COL4A1: variants seen among roughly 807,000 people sequenced by gnomAD.
The protein encoded by COL4A1 is collagen type IV alpha 1 chain.
In COL4A1, 40 loss-of-function variants were observed where a neutral mutation model predicts 216.6. The ratio of observed to expected loss-of-function variants is 0.18; its 90% CI spans 0.14 to 0.24. The LOEUF (loss-of-function observed/expected upper bound fraction) is 0.24. Among genes scored for constraint, COL4A1 ranks in the 10% least tolerant of loss-of-function variants. COL4A1 has a pLI of 1.00. For synonymous variants in COL4A1, 839 were observed against 810.7 expected (o/e 1.03, Z -0.59); for missense variants, 1,628 against 2,196.8 (o/e 0.74, Z 5.18).
chr13:110,284,633 C>A (rs914183442), intron 1 of COL4A1, among the ~76,000 whole-genome samples: 1 of 152,126 alleles, frequency 6.6e-6, no homozygotes, highest in Non-Finnish European at 1.5e-5. Flanking sequence ...ATAGAGCAAG[C>A]AAAATATATT....
intron 48 of COL4A1, 172 bp downstream of exon 48, chr13:110,162,058 T>A: frequency 5.5e-6 from 4 of 721,058 alleles, no homozygotes; most frequent in Non-Finnish European, 7.5e-6. Flanking sequence ...TTATTTGTAA[T>A]CAATGGAGGG....
At chr13:110,243,841 T>A (rs1011968887) in intron 1 of COL4A1, among the ~76,000 whole-genome samples, 1 of 152,222 alleles carries the variant, frequency 6.6e-6, no homozygotes, top group African/African-American at 2.4e-5. Context: ...AGATTTATTA[T>A]AACACGCTAG....
intron 2 of COL4A1, among the ~76,000 whole-genome samples, chr13:110,238,353 T>C (rs1250437708): frequency 6.6e-6 from 1 of 152,216 alleles, no homozygotes; most frequent in Non-Finnish European, 1.5e-5. Context: ...CGTCAAATCT[T>C]TGCTATGACA....
intron 1 of COL4A1, among the ~76,000 whole-genome samples, chr13:110,287,777 A>G (rs1883900341): frequency 6.6e-6 from 1 of 152,250 alleles, no homozygotes; most frequent in Non-Finnish European, 1.5e-5. Flanking sequence ...TGGTGTTTCC[A>G]AGAGAAACGT....
intron 1 of COL4A1, among the ~76,000 whole-genome samples, chr13:110,251,117 A>G (rs541487908): frequency 2.0e-5 from 3 of 152,236 alleles, no homozygotes; most frequent in Non-Finnish European, 2.9e-5. Context: ...GCACGAAAAA[A>G]GACGTTGGAC....
intron 36 of COL4A1, 36 bp downstream of exon 36, chr13:110,176,388 C>T: frequency 7.1e-7 from 1 of 1,404,810 alleles, no homozygotes. Flanking sequence ...ATCACACGCA[C>T]ACATGCTAAA....
In COL4A1 at chr13:110,155,301, G is replaced by A. The variant is rs370674095; in HGVS notation, c.4737C>T (p.Ile1579=). ...CACTTACCATCACAAAAGAGTAGCC[G>A]ATCCACAGCGAGGACCACCCGCTGG... ...PCPSGWSSLW[I]GYSFVMHTSA... Residue 1579 remains isoleucine (I), a synonymous_variant, in exon 50 of 52, where the codon ATC becomes ATT. Coordinates refer to ENST00000375820, the MANE Select transcript of COL4A1 (RefSeq NM_001845.6). 20 of 1,613,526 alleles carry A rather than the reference G, an allele frequency of 1.2e-5. No individual in the cohort carries two copies. The highest frequency in any genetic ancestry group is 6.7e-5 in the African/African-American group (5 of 74,912).
intron 1 of COL4A1, among the ~76,000 whole-genome samples, chr13:110,277,814 TAAGTTA>T (rs1260507557): frequency 6.6e-6 from 1 of 152,208 alleles, no homozygotes; most frequent in Admixed American, 6.5e-5. Flanking sequence ...GCAAGTTGAG[TAAGTTA>T]AAGGTCACTC....
intron 38 of COL4A1, 33 bp downstream of exon 38, chr13:110,174,590 T>C: frequency 1.9e-6 from 3 of 1,614,084 alleles, no homozygotes; most frequent in Non-Finnish European, 2.5e-6. Flanking sequence ...TTTCTTAGAT[T>C]CCCCAAGTCC....
At chr13:110,208,998 C>T in intron 11 of COL4A1, 108 bp from the exon 12 acceptor site, 1 of 1,113,664 alleles carries the variant, frequency 9.0e-7, no homozygotes, top group South Asian at 1.2e-5. Context: ...CAGGCAATAG[C>T]TTTGTCCCAT....
In COL4A1 at chr13:110,307,041, AGGCGGCGAGGG is replaced by A; in HGVS notation, c.-25_-15del. 2 of 1,456,154 alleles carry A rather than the reference AGGCGGCGAGGG, an allele frequency of 1.4e-6. No individual in the cohort carries two copies. Among genetic ancestry groups the A allele is most frequent in the Non-Finnish European group, 1.8e-6 (2 of 1,108,910 alleles). The allele number at this position is 1,456,154 out of a possible 1,614,324, so 90.2% of individuals were successfully genotyped here. A position where few individuals can be genotyped will look rare whatever the true frequency, so the allele number is the denominator to read the frequency against. ...CCGGGGCCCCATGGTGGCGCGCCCGAGGCGGCGAGGGACGGCTGCCCGGCGTGCGGGGGCCG... is the reference window on the plus strand; with the variant it reads ...CCGGGGCCCCATGGTGGCGCGCCCGAACGGCTGCCCGGCGTGCGGGGGCCG... On this transcript the variant is annotated 5_prime_UTR_variant, in exon 1 of 52. Coordinates refer to ENST00000375820, the MANE Select transcript of COL4A1 (RefSeq NM_001845.6). This position sits in a 1 kb window ranked among gnomAD's most constrained non-coding sequence, Gnocchi z 5.0.
Position 110,200,897 on chromosome 13 carries a change from GAGAA to G in COL4A1, c.1085-12_1085-9del, listed in dbSNP as rs762898342. ...CTGGTAGTCCTGGGAAACCTGAAAA[GAGAA>G]AGAGAGTGTTGGATCAAACAGAACA... On this transcript the variant is annotated splice_polypyrimidine_tract_variant and intron_variant, in intron 19 of 51. Coordinates refer to ENST00000375820, the MANE Select transcript of COL4A1 (RefSeq NM_001845.6). 35 of 1,613,942 alleles carry G rather than the reference GAGAA, an allele frequency of 2.2e-5. No homozygotes were observed. The African/African-American group carries it at 2.3e-4, about 10-fold the overall frequency.
At chr13:110,251,198 T>G (rs1882056828) in intron 1 of COL4A1, among the ~76,000 whole-genome samples, 1 of 152,200 alleles carries the variant, frequency 6.6e-6, no homozygotes, top group Non-Finnish European at 1.5e-5. Flanking sequence ...TCCCAGCTAT[T>G]CCCGGTTTTC....
At chr13:110,194,958 A>G (rs1566364661) in intron 22 of COL4A1, 65 bp downstream of exon 22, 2 of 1,437,746 alleles carry the variant, frequency 1.4e-6, no homozygotes, top group East Asian at 4.6e-5. Context: ...AAAGCCGGTA[A>G]GTATGTGGGA....
At chr13:110,166,115 A>C in intron 45 of COL4A1, 117 bp downstream of exon 45, 1 of 774,736 alleles carries the variant, frequency 1.3e-6, no homozygotes, top group African/African-American at 1.7e-5. Flanking sequence ...ATTGTTTTTA[A>C]TGATTTTTGA....
intron 1 of COL4A1, among the ~76,000 whole-genome samples, chr13:110,290,760 A>C (rs2139311363): frequency 1.3e-5 from 2 of 152,370 alleles, no homozygotes; most frequent in South Asian, 4.1e-4. Context: ...GAAAAGGAAC[A>C]AAGAAATCTA....
chr13:110,207,294 C>T lies in COL4A1; in HGVS notation c.780+109G>A. 1.1e-6 allele frequency: 1 copy of T among 947,596 alleles called. No individual in the cohort carries two copies. The highest frequency in any genetic ancestry group is 2.4e-5 in the East Asian group (1 of 41,586). The allele number at this position is 947,596 out of a possible 1,614,324, so 58.7% of individuals were successfully genotyped here. ...CAGTCTATAAATCTGTTTTCCAGAC[C>T]AGGATTGAATGTAGCTGGAAAAACT... On this transcript the variant is annotated intron_variant, in intron 13 of 51. Transcript: ENST00000375820. The surrounding 1 kb of genome is among the most constrained non-coding windows in gnomAD (Gnocchi z 4.4).
At chr13:110,150,693 T>G (rs540291600) in intron 51 of COL4A1, among the ~76,000 whole-genome samples, 2 of 152,180 alleles carry the variant, frequency 1.3e-5, no homozygotes, top group African/African-American at 4.8e-5. Context: ...CACAGCCCCA[T>G]AGGGCACAGC....
chr13:110,259,041 G>A (rs1882697838), intron 1 of COL4A1, among the ~76,000 whole-genome samples: 1 of 152,224 alleles, frequency 6.6e-6, no homozygotes, highest in Non-Finnish European at 1.5e-5. Flanking sequence ...ATGACACGGG[G>A]CCGCCCGGTC....
Sources: gnomAD v4.1 joint callset for allele counts (sites outside exome capture counted in the v4.1 genomes callset) on GRCh38, gnomAD v4.1.1 for gene constraint, Gnocchi (gnomAD v3.1) non-coding constraint, MANE v1.5 for transcripts, NCBI Gene and HGNC (gene_info 2026-07-23, HGNC 2026-07-21) for gene names.